The following JAM3 variants were observed in gnomAD, a reference collection of about 807,000 sequenced individuals.
JAM3 encodes junctional adhesion molecule C.
JAM3 carries 31 observed loss-of-function variants against 39.4 expected under a neutral mutation model. The ratio of observed to expected loss-of-function variants is 0.79; its 90% CI spans 0.59 to 1.06. JAM3 has a LOEUF of 1.06. Ranked by LOEUF, JAM3 falls within the 50% of genes least tolerant of loss-of-function variation. The pLI, the probability that JAM3 is intolerant of heterozygous loss-of-function variation, is 0.00. For missense variants in JAM3, 455 were observed against 391.4 expected (o/e 1.16, Z -1.37); for synonymous variants, 182 against 148.7 (o/e 1.22, Z -1.63).
At chr11:134,145,124 G>C (rs537103266) in intron 5 of JAM3, 130 bp downstream of exon 5, 1 of 791,550 alleles carries the variant, frequency 1.3e-6, no homozygotes, top group African/African-American at 1.7e-5. Context: ...TAGAATGTTA[G>C]GGATTCTACA....
chr11:134,109,016 G>T (rs1177844338), intron 1 of JAM3, among the ~76,000 whole-genome samples: 1 of 152,098 alleles, frequency 6.6e-6, no homozygotes, highest in Non-Finnish European at 1.5e-5. Context: ...GAGTACAGTG[G>T]CACAATCTCA....
intron 1 of JAM3, among the ~76,000 whole-genome samples, chr11:134,109,031 A>T (rs1011751478): frequency 1.3e-5 from 2 of 152,148 alleles, no homozygotes; most frequent in South Asian, 2.1e-4. Flanking sequence ...ATCTCAGCTC[A>T]CTGCAACCTC....
chr11:134,123,528 A>G (rs1336907141), intron 1 of JAM3, among the ~76,000 whole-genome samples: 1 of 152,222 alleles, frequency 6.6e-6, no homozygotes, highest in African/African-American at 2.4e-5. Context: ...AAAGTTTAAA[A>G]AGACAGATTT....
intron 1 of JAM3, among the ~76,000 whole-genome samples, chr11:134,094,449 C>T (rs1441731270): frequency 1.4e-5 from 2 of 138,744 alleles, no homozygotes; most frequent in Non-Finnish European, 3.1e-5. Context: ...CCTGAACCCT[C>T]CTTATTCATC....
intron 1 of JAM3, among the ~76,000 whole-genome samples, chr11:134,087,333 A>G (rs1010338692): frequency 6.6e-6 from 1 of 152,226 alleles, no homozygotes; most frequent in African/African-American, 2.4e-5. Flanking sequence ...CAGAGAGTAT[A>G]TATTTTTCAA....
chr11:134,082,395 G>T (rs1211475812), intron 1 of JAM3, among the ~76,000 whole-genome samples: 1 of 152,156 alleles, frequency 6.6e-6, no homozygotes, highest in Non-Finnish European at 1.5e-5. Context: ...GCCAGGGGTG[G>T]AATGATATGG....
chr11:134,148,452 G>T, intron 6 of JAM3, 95 bp from the exon 7 acceptor site: 1 of 1,564,484 alleles, frequency 6.4e-7, no homozygotes, highest in Non-Finnish European at 8.8e-7. Flanking sequence ...GGGCAAGTGG[G>T]TTTGGGGTGA....
Position 134,134,430 on chromosome 11 carries a change from G to T in JAM3, c.77-5421G>T, listed in dbSNP as rs769364652. ...AAAAAAAAAAAAAAAAAACATCTAG[G>T]CATATCATAATCACACTGCAGAAAA... is the stretch of plus-strand genomic sequence containing the variant. On this transcript the variant is annotated intron_variant, in intron 1 of 8. Transcript: ENST00000299106. 1.4e-3 allele frequency among the ~76,000 whole-genome samples: 178 copies of T among 129,134 alleles called. 1 individual carries two copies. The highest frequency in any genetic ancestry group is 2.3e-3 in the Non-Finnish European group (144 of 61,818). The allele number at this position is 129,134 out of a possible 152,430, so 84.7% of individuals were successfully genotyped here.
At chr11:134,102,297 G>A (rs1397829051) in intron 1 of JAM3, among the ~76,000 whole-genome samples, 1 of 152,182 alleles carries the variant, frequency 6.6e-6, no homozygotes, top group Non-Finnish European at 1.5e-5. Flanking sequence ...ACTTGCAGCT[G>A]AGGGTCCTGA....
intron 1 of JAM3, among the ~76,000 whole-genome samples, chr11:134,123,176 A>G (rs1041830838): frequency 6.6e-6 from 1 of 152,168 alleles, no homozygotes; most frequent in African/African-American, 2.4e-5. Flanking sequence ...CACCTGGATC[A>G]TATAATATAT....
intron 1 of JAM3, chr11:134,124,045 C>T (rs879148516): frequency 7.0e-7 from 1 of 1,438,420 alleles, no homozygotes; most frequent in Admixed American, 1.7e-5. Context: ...GCAACACAGC[C>T]ACCTGGCTCT....
chr11:134,091,150 G>A (rs1220845680), intron 1 of JAM3, among the ~76,000 whole-genome samples: 1 of 152,118 alleles, frequency 6.6e-6, no homozygotes, highest in Admixed American at 6.6e-5. Flanking sequence ...GTTAAAAGTG[G>A]TCATCTGAGG....
rs575320786 is a variant in JAM3, at chr11:134,105,074, C to G, written c.77-34777C>G. Among the ~76,000 whole-genome samples the G allele has an allele frequency of 6.6e-5, 10 of 152,294 alleles. No homozygotes were observed. The East Asian group carries it at 1.9e-3, about 29-fold the overall frequency. ...AAAAAAGAGAATTTTAGACCAATATCCCTGATCAACATCGATGCAAAAATC... is the reference window on the plus strand; with the variant it reads ...AAAAAAGAGAATTTTAGACCAATATGCCTGATCAACATCGATGCAAAAATC... On this transcript the variant is annotated intron_variant, in intron 1 of 8. Coordinates refer to ENST00000299106, the MANE Select transcript of JAM3 (RefSeq NM_032801.5).
intron 1 of JAM3, among the ~76,000 whole-genome samples, chr11:134,095,038 A>G (rs77792188): frequency 0.047 from 7,206 of 152,296 alleles, 636 homozygotes; most frequent in African/African-American, 0.16. Context: ...ATGAAAGTGT[A>G]ATATTGGGTT....
chr11:134,099,598 C>G (rs1298490116), intron 1 of JAM3, among the ~76,000 whole-genome samples: 1 of 152,044 alleles, frequency 6.6e-6, no homozygotes, highest in African/African-American at 2.4e-5. Flanking sequence ...CTGTATTTTT[C>G]TATTTATTTG....
In JAM3 at chr11:134,076,053, AATTAT is replaced by A. The variant is rs1941563623; in HGVS notation, c.76+6900_76+6904del. ...CCAATCAATACACAGTTTTTCCACC[AATTAT>A]ATTATTCATTTCTAAAATTTTCTTG... On this transcript the variant is annotated intron_variant, in intron 1 of 8. Transcript: ENST00000299106. Among the ~76,000 whole-genome samples, 4 of 151,338 alleles carry A rather than the reference AATTAT, an allele frequency of 2.6e-5. No homozygotes were observed. In the South Asian group the frequency reaches 6.3e-4, roughly 24 times the overall value.
intron 1 of JAM3, among the ~76,000 whole-genome samples, chr11:134,077,372 T>C (rs1941586967): frequency 6.6e-6 from 1 of 151,804 alleles, no homozygotes; most frequent in East Asian, 1.9e-4. Flanking sequence ...CCTTTTTTTT[T>C]TTTTTCTTGA....
intron 1 of JAM3, among the ~76,000 whole-genome samples, chr11:134,122,869 A>C (rs2120779922): frequency 6.6e-6 from 1 of 152,372 alleles, no homozygotes; most frequent in South Asian, 2.1e-4. Flanking sequence ...GCTACAGCCC[A>C]CAATTGTACA....
Position 134,072,834 on chromosome 11 carries a change from C to T in JAM3, c.76+3675C>T, listed in dbSNP as rs185366477. On this transcript the variant is annotated intron_variant, in intron 1 of 8. Coordinates refer to ENST00000299106, the MANE Select transcript of JAM3 (RefSeq NM_032801.5). ...CTGAGGCAGGAGAATCGCTTGAACC[C>T]GGGAGGTGGAGGTTGCAGTGAGCTG... Among the ~76,000 whole-genome samples the T allele has an allele frequency of 3.3e-4, 50 of 152,164 alleles. No individual in the cohort carries two copies. In the East Asian group the frequency reaches 6.2e-3, roughly 19 times the overall value.
Sources: gnomAD v4.1 joint callset for allele counts (sites outside exome capture counted in the v4.1 genomes callset) on GRCh38, gnomAD v4.1.1 for gene constraint, MANE v1.5 for transcripts, NCBI Gene and HGNC (gene_info 2026-07-23, HGNC 2026-07-21) for gene names.